SRR: variants seen among roughly 807,000 people sequenced by gnomAD.
SRR encodes the protein serine racemase.
In SRR, 19 loss-of-function variants were observed where a neutral mutation model predicts 32.7. The observed-to-expected ratio is 0.58, with a 90% CI of 0.40 to 0.85. SRR has a LOEUF of 0.85. Among genes scored for constraint, SRR ranks in the 40% least tolerant of loss-of-function variants. The pLI, the probability that SRR is intolerant of heterozygous loss-of-function variation, is 0.00. For missense variants in SRR, 373 were observed against 404.7 expected (o/e 0.92, Z 0.67); for synonymous variants, 142 against 140.9 (o/e 1.01, Z -0.06).
Position 2,321,298 on chromosome 17 carries a change from A to C in SRR, c.400-8A>C. The C allele has an allele frequency of 6.2e-7, 1 of 1,613,284 alleles. No individual in the cohort carries two copies. Among genetic ancestry groups the C allele is most frequent in the East Asian group, 2.2e-5 (1 of 44,878 alleles). On this transcript the variant is annotated splice_polypyrimidine_tract_variant and splice_region_variant and intron_variant, in intron 4 of 7. Transcript: ENST00000344595. ...CAAATCAATTAAGCTAAATTAATGTACTTTCAGTCCAGAGAAAATGTTGCA... is the reference window on the plus strand; with the variant it reads ...CAAATCAATTAAGCTAAATTAATGTCCTTTCAGTCCAGAGAAAATGTTGCA...
upstream of SRR, chr17:2,303,468 C>A (rs898439403): frequency 1.3e-5 from 17 of 1,320,312 alleles, no homozygotes; most frequent in African/African-American, 2.6e-4. Context: ...CGCACTAACC[C>A]GCGAGAGAGG....
chr17:2,303,713 T>A (rs1307108235), upstream of SRR: 2 of 1,492,408 alleles, frequency 1.3e-6, no homozygotes, highest in Admixed American at 2.2e-5. Context: ...CTCCAGCCCT[T>A]CCGCCATCTT....
intron 3 of SRR, among the ~76,000 whole-genome samples, chr17:2,318,619 A>ATTTTTT (rs35847724): frequency 4.4e-3 from 404 of 92,228 alleles, no homozygotes; most frequent in East Asian, 7.7e-3. Context: ...ATGCCTGGCT[A>ATTTTTT]TTTTTTTTTT....
In SRR at chr17:2,323,787, A is replaced by G. The variant is rs200376855; in HGVS notation, c.937A>G (p.Ser313Gly). Residue 313 changes from serine to glycine, a missense_variant, in exon 8 of 8, where the codon AGT becomes GGT. Physicochemically the swap from Ser to Gly is moderately conservative, Grantham distance 56 (BLOSUM62 0). Transcript: ENST00000344595. ...PEVKNICIVL[S>G]GGNVDLTSSI... ...AGTAAAGAACATTTGTATTGTGCTC[A>G]GTGGTGGAAATGTAGACTTAACCTC... 4.3e-6 allele frequency: 7 copies of G among 1,614,080 alleles called. No individual in the cohort carries two copies. In the East Asian group the frequency reaches 1.3e-4, roughly 31 times the overall value.
chr17:2,324,464 C>A lies in SRR; in HGVS notation c.*591C>A. 6.2e-7 allele frequency: 1 copy of A among 1,613,878 alleles called. No homozygotes were observed. The highest frequency in any genetic ancestry group is 8.5e-7 in the Non-Finnish European group (1 of 1,179,878). ...ACCCAACAGTCATTTAGCAACACTG[C>A]AGAAATGCAGACATGGTCTCAAATC... On this transcript the variant is annotated 3_prime_UTR_variant, in exon 8 of 8. Coordinates refer to ENST00000344595, the MANE Select transcript of SRR (RefSeq NM_021947.3).
chr17:2,305,974 C>T (rs2075387175), intron 1 of SRR, among the ~76,000 whole-genome samples: 1 of 150,166 alleles, frequency 6.7e-6, no homozygotes, highest in African/African-American at 2.4e-5. Context: ...GCTGGGATTA[C>T]AGGCGTGAGC....
At chr17:2,303,693 T>G (rs1377117722), upstream of SRR, 1 of 1,496,658 alleles carries the variant, frequency 6.7e-7, no homozygotes, top group Non-Finnish European at 8.9e-7. Flanking sequence ...GACGCGGAGA[T>G]CCGCACACGC....
upstream of SRR, chr17:2,303,604 CG>C: frequency 7.1e-7 from 1 of 1,414,570 alleles, no homozygotes; most frequent in Non-Finnish European, 9.2e-7. Context: ...CGGGCAGGCC[CG>C]GCCCAGGAGC....
At chr17:2,303,641 C>T (rs62066966), upstream of SRR, 1 of 1,486,060 alleles carries the variant, frequency 6.7e-7, no homozygotes, top group Admixed American at 2.3e-5. Flanking sequence ...ACCTCTGCTC[C>T]CGGCCTGCGG....
intron 1 of SRR, among the ~76,000 whole-genome samples, chr17:2,309,405 C>G (rs1223589676): frequency 6.6e-6 from 1 of 152,188 alleles, no homozygotes; most frequent in African/African-American, 2.4e-5. Flanking sequence ...CTTACTCCCA[C>G]TCAAAAGTAC....
At chr17:2,320,461 G>A (rs977495931) in intron 4 of SRR, among the ~76,000 whole-genome samples, 8 of 147,838 alleles carry the variant, frequency 5.4e-5, no homozygotes, top group African/African-American at 1.8e-4. Flanking sequence ...TCACCATATT[G>A]GCCAGGCTGG....
At chr17:2,308,692 G>C (rs1339226495) in intron 1 of SRR, among the ~76,000 whole-genome samples, 1 of 152,146 alleles carries the variant, frequency 6.6e-6, no homozygotes, top group Non-Finnish European at 1.5e-5. Context: ...ATGGTGGCAC[G>C]CTCCTGTAAT....
intron 1 of SRR, among the ~76,000 whole-genome samples, chr17:2,306,478 AGGCCAAG>A (rs1265615667): frequency 6.6e-6 from 1 of 152,160 alleles, no homozygotes; most frequent in Non-Finnish European, 1.5e-5. Flanking sequence ...GCACTTTGGG[AGGCCAAG>A]GTGGGCAGAT....
upstream of SRR, chr17:2,303,757 A>G (rs1298611091): frequency 2.0e-6 from 3 of 1,472,836 alleles, no homozygotes; most frequent in Admixed American, 2.4e-5. Context: ...CGGCTCCGCC[A>G]CCGCCGCGCG....
chr17:2,321,743 G>C, intron 6 of SRR, 127 bp downstream of exon 6: 1 of 801,676 alleles, frequency 1.2e-6, no homozygotes, highest in Non-Finnish European at 2.1e-6. Flanking sequence ...TTTGGGACTT[G>C]AGATGAAGGC....
intron 1 of SRR, chr17:2,315,337 G>A (rs1043904391): frequency 3.1e-5 from 12 of 386,856 alleles, no homozygotes; most frequent in Non-Finnish European, 5.5e-5. Context: ...TTAGCCTTCT[G>A]TAATCACCAT....
At chr17:2,317,378 G>A (rs899379815) in intron 2 of SRR, among the ~76,000 whole-genome samples, 4 of 152,000 alleles carry the variant, frequency 2.6e-5, no homozygotes, top group African/African-American at 9.7e-5. Context: ...CGGGCGTGGT[G>A]GCGGGCGCCT....
In SRR at chr17:2,324,472, C is replaced by G; in HGVS notation, c.*599C>G. ...GTCATTTAGCAACACTGCAGAAATG[C>G]AGACATGGTCTCAAATCCCGTGTTT... is the stretch of plus-strand genomic sequence containing the variant. On this transcript the variant is annotated 3_prime_UTR_variant, in exon 8 of 8. Coordinates refer to ENST00000344595, the MANE Select transcript of SRR (RefSeq NM_021947.3). 6.2e-7 allele frequency: 1 copy of G among 1,613,996 alleles called. No individual in the cohort carries two copies. Among genetic ancestry groups the G allele is most frequent in the Non-Finnish European group, 8.5e-7 (1 of 1,179,930 alleles).
chr17:2,307,325 C>T, intron 1 of SRR: 1 of 1,053,358 alleles, frequency 9.5e-7, no homozygotes, highest in Non-Finnish European at 1.5e-6. Context: ...ATGGTGAGTG[C>T]TTCATCCAGC....
Sources: gnomAD v4.1 joint callset for allele counts (sites outside exome capture counted in the v4.1 genomes callset) on GRCh38, gnomAD v4.1.1 for gene constraint, MANE v1.5 for transcripts, NCBI Gene and HGNC (gene_info 2026-07-23, HGNC 2026-07-21) for gene names.